Variants in SH3YL1 observed in about 807,000 individuals in gnomAD.
The protein encoded by SH3YL1 is SH3 and SYLF domain containing 1.
In SH3YL1, 41 loss-of-function variants were observed where a neutral mutation model predicts 45.8. The ratio of observed to expected loss-of-function variants is 0.89; its 90% CI spans 0.70 to 1.16. SH3YL1 has a LOEUF of 1.16. Among genes scored for constraint, SH3YL1 ranks in the 50% most tolerant of loss-of-function variants. The pLI is 0.00. For synonymous variants in SH3YL1, 152 were observed against 151.4 expected (o/e 1.00, Z -0.03); for missense variants, 389 against 409.6 (o/e 0.95, Z 0.43).
At chr2:238,567 G>C (rs1395885430) in intron 4 of SH3YL1, among the ~76,000 whole-genome samples, 2 of 147,652 alleles carry the variant, frequency 1.4e-5, no homozygotes, top group East Asian at 4.5e-4. Context: ...TTGAGTAAAA[G>C]CCAGACTGCT....
intron 1 of SH3YL1, among the ~76,000 whole-genome samples, chr2:257,143 T>C (rs1669371549): frequency 6.6e-6 from 1 of 152,176 alleles, no homozygotes; most frequent in East Asian, 1.9e-4. Flanking sequence ...TAGGCCTTTG[T>C]TGGATGTAGA....
intron 5 of SH3YL1, 37 bp downstream of exon 5, chr2:234,123 A>T: frequency 1.4e-6 from 2 of 1,450,566 alleles, no homozygotes; most frequent in Non-Finnish European, 1.9e-6. Flanking sequence ...TGCAGTTGTT[A>T]AACCTTTACT....
chr2:232,238 CT>C lies in SH3YL1; in HGVS notation c.533+862del, dbSNP rs111324791. Among the ~76,000 whole-genome samples, 1,224 of 141,630 alleles carry C rather than the reference CT, an allele frequency of 8.6e-3. 4 individuals are homozygous for C. The highest frequency in any genetic ancestry group is 8.9e-3 in the African/African-American group (345 of 38,768). The allele number at this position is 141,630 out of a possible 152,430, so 92.9% of individuals were successfully genotyped here. On this transcript the variant is annotated intron_variant, in intron 6 of 9. Coordinates refer to ENST00000356150, the MANE Select transcript of SH3YL1 (RefSeq NM_015677.4). ...TTACCTTTTAGGATACTTCCAGATT[CT>C]TTTTTTTTTTTTAAATCAAACTGTA...
At chr2:226,790 G>T (rs1667801388) in intron 8 of SH3YL1, among the ~76,000 whole-genome samples, 1 of 151,520 alleles carries the variant, frequency 6.6e-6, no homozygotes, top group Non-Finnish European at 1.5e-5. Flanking sequence ...ATATGGTGGG[G>T]AGTGTACATA....
intron 4 of SH3YL1, among the ~76,000 whole-genome samples, chr2:246,087 C>T (rs967477339): frequency 7.9e-5 from 12 of 151,020 alleles, no homozygotes; most frequent in East Asian, 3.9e-4. Flanking sequence ...CCCAGCTACT[C>T]GGGAGGCTGA....
intron 9 of SH3YL1, chr2:222,984 G>C (rs922227664): frequency 6.6e-5 from 10 of 152,372 alleles, no homozygotes; most frequent in Middle Eastern, 3.4e-3. Context: ...GTAACGTAAA[G>C]TGAGTTTTAT....
intron 4 of SH3YL1, among the ~76,000 whole-genome samples, chr2:238,826 T>C (rs1319260670): frequency 6.6e-6 from 1 of 151,888 alleles, no homozygotes; most frequent in Non-Finnish European, 1.5e-5. Flanking sequence ...CACAAAAACT[T>C]CCCCCTCCCC....
chr2:220,001 T>G (rs1306401126), intron 9 of SH3YL1, among the ~76,000 whole-genome samples: 1 of 151,934 alleles, frequency 6.6e-6, no homozygotes, highest in Non-Finnish European at 1.5e-5. Flanking sequence ...TAAAGGACAT[T>G]AAATATTATA....
intron 4 of SH3YL1, among the ~76,000 whole-genome samples, chr2:245,617 C>T (rs1016476692): frequency 1.3e-5 from 2 of 152,104 alleles, no homozygotes; most frequent in Non-Finnish European, 2.9e-5. Flanking sequence ...AGACTGGAAG[C>T]ACCCAGGTCA....
chr2:242,674 G>A, intron 4 of SH3YL1: 2 of 1,257,852 alleles, frequency 1.6e-6, no homozygotes, highest in Non-Finnish European at 2.1e-6. Context: ...TATTAAATGT[G>A]AATGAATTAA....
At chr2:237,645 A>G (rs1558241269) in intron 4 of SH3YL1, among the ~76,000 whole-genome samples, 1 of 152,194 alleles carries the variant, frequency 6.6e-6, no homozygotes, top group Non-Finnish European at 1.5e-5. Context: ...TATGGTTCAC[A>G]ATAATCTATT....
intron 4 of SH3YL1, among the ~76,000 whole-genome samples, chr2:236,918 T>G (rs1668329444): frequency 1.3e-5 from 2 of 152,138 alleles, no homozygotes. Context: ...TCAAACTAAA[T>G]CTACCAGAGA....
intron 9 of SH3YL1, among the ~76,000 whole-genome samples, chr2:219,439 G>A (rs1024155193): frequency 6.6e-6 from 1 of 152,080 alleles, no homozygotes; most frequent in African/African-American, 2.4e-5. Context: ...CAGAGCCTGA[G>A]GGGAGCTTCT....
Position 229,950 on chromosome 2 carries a change from C to A in SH3YL1, c.781+16G>T, listed in dbSNP as rs1572147128. ...CTTAATTACAACTGTATTTGAATTGCAACAAAAATATTTACTTTGAGAGCC... is the reference window on the plus strand; with the variant it reads ...CTTAATTACAACTGTATTTGAATTGAAACAAAAATATTTACTTTGAGAGCC... On this transcript the variant is annotated intron_variant, in intron 8 of 9. Coordinates refer to ENST00000356150, the MANE Select transcript of SH3YL1 (RefSeq NM_015677.4). 6.2e-7 allele frequency: 1 copy of A among 1,600,516 alleles called. No homozygotes were observed.
intron 1 of SH3YL1, among the ~76,000 whole-genome samples, chr2:254,747 A>G: frequency 6.6e-6 from 1 of 152,182 alleles, no homozygotes; most frequent in Non-Finnish European, 1.5e-5. Context: ...ATTTGATCAC[A>G]AGGAAATTCC....
intron 8 of SH3YL1, among the ~76,000 whole-genome samples, chr2:228,073 T>C (rs755546205): frequency 1.1e-4 from 17 of 152,284 alleles, no homozygotes; most frequent in Non-Finnish European, 2.1e-4. Flanking sequence ...ACATGAGAAA[T>C]GATGGTATCG....
intron 4 of SH3YL1, among the ~76,000 whole-genome samples, chr2:244,060 G>A (rs557253330): frequency 3.9e-5 from 6 of 152,226 alleles, no homozygotes; most frequent in South Asian, 2.1e-4. Flanking sequence ...GGGAGCAGAC[G>A]CTTCCCAATC....
intron 8 of SH3YL1, among the ~76,000 whole-genome samples, chr2:227,082 G>A (rs1667816231): frequency 6.6e-6 from 1 of 150,636 alleles, no homozygotes; most frequent in Admixed American, 6.6e-5. Flanking sequence ...CAACTATAGT[G>A]GGGACTATTA....
At chr2:236,271 C>T (rs1008961652) in intron 4 of SH3YL1, among the ~76,000 whole-genome samples, 18 of 151,874 alleles carry the variant, frequency 1.2e-4, no homozygotes, top group African/African-American at 4.4e-4. Context: ...CAGCATGGGC[C>T]AGGGCACCCC....
Sources: gnomAD v4.1 joint callset for allele counts (sites outside exome capture counted in the v4.1 genomes callset) on GRCh38, gnomAD v4.1.1 for gene constraint, MANE v1.5 for transcripts, NCBI Gene and HGNC (gene_info 2026-07-23, HGNC 2026-07-21) for gene names.